Variants in AUTS2 observed in about 807,000 individuals in gnomAD.
AUTS2 encodes the protein activator of transcription and developmental regulator AUTS2, also known as autism susceptibility gene 2 protein.
A neutral mutation model predicts 112.4 loss-of-function variants in AUTS2; 17 were observed. That is an observed-to-expected ratio of 0.15 (90% CI 0.10 to 0.23). The LOEUF (loss-of-function observed/expected upper bound fraction) is 0.23. Ranked by LOEUF, AUTS2 falls within the 10% of genes least tolerant of loss-of-function variation. The probability of loss-of-function intolerance (pLI) is 1.00; values close to 1 mark genes in which losing one functional copy is unlikely to be tolerated. For synonymous variants in AUTS2, 751 were observed against 702.7 expected (o/e 1.07, Z -1.09); for missense variants, 1,510 against 1,701.6 (o/e 0.89, Z 1.98).
At chr7:69,833,043 T>G (rs1008115198) in intron 1 of AUTS2, among the ~76,000 whole-genome samples, 6 of 152,154 alleles carry the variant, frequency 3.9e-5, no homozygotes, top group African/African-American at 1.4e-4. Context: ...GAGTAATCAG[T>G]TATTATTCTT....
At chr7:70,696,595 C>T (rs1459402201) in intron 5 of AUTS2, among the ~76,000 whole-genome samples, 1 of 152,182 alleles carries the variant, frequency 6.6e-6, no homozygotes, top group Non-Finnish European at 1.5e-5. Flanking sequence ...AAGTGTCTGT[C>T]TGAGAATCCC....
intron 2 of AUTS2, among the ~76,000 whole-genome samples, chr7:70,090,274 A>G (rs1584705929): frequency 6.6e-6 from 1 of 152,024 alleles, no homozygotes; most frequent in Non-Finnish European, 1.5e-5. Flanking sequence ...TTGTCACACA[A>G]TTCTACTTTT....
chr7:70,248,561 A>G (rs1195636642), intron 4 of AUTS2, among the ~76,000 whole-genome samples: 2 of 151,960 alleles, frequency 1.3e-5, no homozygotes, highest in African/African-American at 4.8e-5. Context: ...TGTTAAATGG[A>G]GCTTTTTGTC....
intron 5 of AUTS2, among the ~76,000 whole-genome samples, chr7:70,567,645 C>G (rs1455422082): frequency 6.6e-6 from 1 of 152,188 alleles, no homozygotes; most frequent in Non-Finnish European, 1.5e-5. Flanking sequence ...ATTCCACTCT[C>G]TGGGCAGTAC....
intron 5 of AUTS2, among the ~76,000 whole-genome samples, chr7:70,492,975 G>A (rs1029909552): frequency 2.6e-5 from 4 of 151,974 alleles, no homozygotes; most frequent in Non-Finnish European, 4.4e-5. Context: ...CCCTTCCCCC[G>A]TAAACCCCCT....
chr7:70,763,577 G>A (rs553112381), intron 7 of AUTS2, among the ~76,000 whole-genome samples: 1 of 151,756 alleles, frequency 6.6e-6, no homozygotes, highest in South Asian at 2.1e-4. Context: ...ATATTTATGG[G>A]CACTCGAGAG....
chr7:69,601,578 AGGT>A (rs1332641558), intron 1 of AUTS2, among the ~76,000 whole-genome samples: 1 of 151,234 alleles, frequency 6.6e-6, no homozygotes, highest in Non-Finnish European at 1.5e-5. Flanking sequence ...GTGGTGGTGC[AGGT>A]GGTGGTGATG....
At chr7:70,678,333 G>A (rs1808032455) in intron 5 of AUTS2, among the ~76,000 whole-genome samples, 1 of 152,140 alleles carries the variant, frequency 6.6e-6, no homozygotes, top group Non-Finnish European at 1.5e-5. Context: ...TACACAAACT[G>A]TTGGATTTAA....
rs958854791 is a variant in AUTS2 at position 69,885,857 on chromosome 7, G to A, written c.310-13429G>A. ...TTATGAAAAAGATAAATTAGTCCTC[G>A]CTTTATATTCAGAAATGGTCTGACC... On this transcript the variant is annotated intron_variant, in intron 1 of 18. Coordinates refer to ENST00000342771, the MANE Select transcript of AUTS2 (RefSeq NM_015570.4). Among the ~76,000 whole-genome samples the A allele has an allele frequency of 5.3e-5, 8 of 152,142 alleles. No individual in the cohort carries two copies. The South Asian group carries it at 6.2e-4, about 12-fold the overall frequency.
chr7:69,931,221 C>A (rs958211866), intron 2 of AUTS2, among the ~76,000 whole-genome samples: 8 of 152,060 alleles, frequency 5.3e-5, no homozygotes, highest in Non-Finnish European at 7.4e-5. Context: ...TCTTACATCT[C>A]CAGAACCTCA....
chr7:70,351,467 G>A (rs1378729292), intron 4 of AUTS2, among the ~76,000 whole-genome samples: 1 of 152,148 alleles, frequency 6.6e-6, no homozygotes, highest in Non-Finnish European at 1.5e-5. Context: ...TCCTATCTTG[G>A]TTATTGTGAA....
At chr7:69,821,290 C>G (rs1275734757) in intron 1 of AUTS2, among the ~76,000 whole-genome samples, 1 of 152,088 alleles carries the variant, frequency 6.6e-6, no homozygotes, top group Non-Finnish European at 1.5e-5. Context: ...GCTGGACGTC[C>G]TGGGTCGAGT....
intron 6 of AUTS2, among the ~76,000 whole-genome samples, chr7:70,700,632 C>T (rs1809400514): frequency 6.6e-6 from 1 of 152,060 alleles, no homozygotes; most frequent in Non-Finnish European, 1.5e-5. Context: ...GCATCGGGGA[C>T]AGTTTTGTTA....
intron 5 of AUTS2, among the ~76,000 whole-genome samples, chr7:70,568,252 C>G (rs547720142): frequency 3.0e-4 from 45 of 152,240 alleles, no homozygotes; most frequent in African/African-American, 1.1e-3. Context: ...GTGGAGCCAG[C>G]CTGCCTGAAT....
At chr7:70,261,428 C>T (rs1014739930) in intron 4 of AUTS2, among the ~76,000 whole-genome samples, 1 of 152,220 alleles carries the variant, frequency 6.6e-6, no homozygotes, top group South Asian at 2.1e-4. Flanking sequence ...ACATATTTGT[C>T]CAAACTCATC....
At chr7:69,735,867 T>C (rs1191631816) in intron 1 of AUTS2, among the ~76,000 whole-genome samples, 1 of 152,202 alleles carries the variant, frequency 6.6e-6, no homozygotes, top group African/African-American at 2.4e-5. Flanking sequence ...GTGGAGGACA[T>C]TTGTATCTCA....
chr7:69,821,023 G>T (rs1790966754), intron 1 of AUTS2, among the ~76,000 whole-genome samples: 1 of 152,174 alleles, frequency 6.6e-6, no homozygotes, highest in African/African-American at 2.4e-5. Flanking sequence ...TCAAGAGGAA[G>T]ATTTTATTTG....
chr7:70,340,916 A>G (rs534523195), intron 4 of AUTS2, among the ~76,000 whole-genome samples: 1 of 152,208 alleles, frequency 6.6e-6, no homozygotes, highest in Non-Finnish European at 1.5e-5. Context: ...CATTTCTTTA[A>G]TAGTGTTCTT....
chr7:69,700,017 T>C (rs1027765933), intron 1 of AUTS2, among the ~76,000 whole-genome samples: 2 of 152,208 alleles, frequency 1.3e-5, no homozygotes, highest in African/African-American at 4.8e-5. Context: ...TTACAGTGAA[T>C]GTGCATTTGT....
Sources: allele counts gnomAD v4.1 joint callset (sites outside exome capture counted in the v4.1 genomes callset), GRCh38; gene constraint gnomAD v4.1.1; transcripts MANE v1.5; gene names NCBI Gene and HGNC (gene_info 2026-07-23, HGNC 2026-07-21).